The following RBM47 variants were observed in gnomAD, a reference collection of about 807,000 sequenced individuals.
RBM47 encodes the protein RNA binding motif protein 47.
RBM47 carries 21 observed loss-of-function variants against 47.1 expected under a neutral mutation model. That is an observed-to-expected ratio of 0.45 (90% CI 0.32 to 0.64). The LOEUF (loss-of-function observed/expected upper bound fraction) is 0.64. Ranked by LOEUF, RBM47 falls within the 30% of genes least tolerant of loss-of-function variation. The probability of loss-of-function intolerance (pLI) is 0.05; values close to 1 mark genes in which losing one functional copy is unlikely to be tolerated. For synonymous variants in RBM47, 375 were observed against 361.7 expected (o/e 1.04, Z -0.42); for missense variants, 708 against 870.9 (o/e 0.81, Z 2.35).
intron 2 of RBM47, among the ~76,000 whole-genome samples, chr4:40,490,291 G>GA (rs1721689129): frequency 6.6e-6 from 1 of 151,520 alleles, no homozygotes; most frequent in African/African-American, 2.4e-5. Context: ...AGAAAAAAAG[G>GA]AAAAAGAAAA....
At chr4:40,601,547 C>G (rs913475722) in intron 1 of RBM47, among the ~76,000 whole-genome samples, 1 of 152,166 alleles carries the variant, frequency 6.6e-6, no homozygotes, top group Non-Finnish European at 1.5e-5. Flanking sequence ...TTTTTGTTAG[C>G]TTGAGGTTAA....
At chr4:40,466,377 A>G (rs1315603622) in intron 3 of RBM47, among the ~76,000 whole-genome samples, 200 bp downstream of exon 3, 1 of 152,202 alleles carries the variant, frequency 6.6e-6, no homozygotes, top group Non-Finnish European at 1.5e-5. Context: ...TTAAGTCACA[A>G]AGATGTAAAG....
chr4:40,609,049 G>A (rs544511952), intron 1 of RBM47, among the ~76,000 whole-genome samples: 11 of 151,958 alleles, frequency 7.2e-5, no homozygotes, highest in African/African-American at 2.7e-4. Flanking sequence ...GCTGGAGTGC[G>A]GTGGCATGAT....
intron 1 of RBM47, among the ~76,000 whole-genome samples, chr4:40,552,444 A>G (rs1388265597): frequency 2.0e-5 from 3 of 152,094 alleles, no homozygotes; most frequent in Non-Finnish European, 4.4e-5. Context: ...GGATATAAAT[A>G]AAAATGGGCT....
chr4:40,601,906 C>T (rs1414354877), intron 1 of RBM47, among the ~76,000 whole-genome samples: 6 of 152,176 alleles, frequency 3.9e-5, no homozygotes, highest in African/African-American at 1.2e-4. Context: ...TGGTGGCTCA[C>T]GCCTGTAACC....
intron 2 of RBM47, among the ~76,000 whole-genome samples, chr4:40,541,531 G>A (rs1268507108): frequency 2.0e-5 from 3 of 152,164 alleles, no homozygotes; most frequent in Admixed American, 1.3e-4. Flanking sequence ...GAGGTCAGGA[G>A]TTCGAGACCA....
At chr4:40,609,635 G>A (rs894308031) in intron 1 of RBM47, among the ~76,000 whole-genome samples, 3 of 151,612 alleles carry the variant, frequency 2.0e-5, no homozygotes, top group Admixed American at 2.0e-4. Flanking sequence ...TTCTTTTTTA[G>A]CTTCCATTTT....
chr4:40,468,792 C>T (rs1158129707), intron 2 of RBM47, among the ~76,000 whole-genome samples: 4 of 152,116 alleles, frequency 2.6e-5, no homozygotes, highest in East Asian at 1.9e-4. Flanking sequence ...AAATGATTTA[C>T]GTTTTAATAC....
In RBM47 at chr4:40,503,620, G is replaced by C. The variant is rs1723694131; in HGVS notation, c.-154-36921C>G. 4.6e-5 allele frequency among the ~76,000 whole-genome samples: 7 copies of C among 152,214 alleles called. 1 individual carries two copies. In the South Asian group the frequency reaches 1.5e-3, roughly 32 times the overall value. The stretch of plus-strand genomic sequence containing the variant: ...TGTCTTGTAGATTTGCCAGCAGAAG[G>C]CTTTTAATTATTTCAGTTATTTTTA... On this transcript the variant is annotated intron_variant, in intron 2 of 6. Coordinates refer to ENST00000295971, the MANE Select transcript of RBM47 (RefSeq NM_001098634.2).
At chr4:40,526,247 T>G (rs1034812434) in intron 2 of RBM47, among the ~76,000 whole-genome samples, 2 of 152,120 alleles carry the variant, frequency 1.3e-5, no homozygotes, top group Non-Finnish European at 2.9e-5. Flanking sequence ...CCTGCCTACT[T>G]TGTAGTATTT....
intron 3 of RBM47, among the ~76,000 whole-genome samples, chr4:40,464,890 CAAAAAAAAAA>C (rs71646997): frequency 2.5e-4 from 8 of 32,082 alleles, no homozygotes; most frequent in African/African-American, 5.9e-4. Flanking sequence ...GACTCTGTCT[CAAAAAAAAAA>C]AAAAAAAAAA....
chr4:40,556,134 C>G (rs1730060153), intron 1 of RBM47, among the ~76,000 whole-genome samples: 1 of 151,050 alleles, frequency 6.6e-6, no homozygotes, highest in South Asian at 2.1e-4. Flanking sequence ...CTCCTGGGTT[C>G]AAGCAGTTCT....
intron 2 of RBM47, among the ~76,000 whole-genome samples, chr4:40,533,142 T>C (rs541298711): frequency 5.3e-5 from 8 of 152,294 alleles, no homozygotes; most frequent in East Asian, 1.9e-4. Flanking sequence ...ATACAGATTA[T>C]GCTCTCTGAG....
At chr4:40,445,060 G>A (rs1714307554) in intron 3 of RBM47, among the ~76,000 whole-genome samples, 1 of 151,946 alleles carries the variant, frequency 6.6e-6, no homozygotes, top group African/African-American at 2.4e-5. Context: ...GGATCACAAG[G>A]TCAGGAGATT....
At chr4:40,572,620 C>T (rs1221777366) in intron 1 of RBM47, among the ~76,000 whole-genome samples, 3 of 151,748 alleles carry the variant, frequency 2.0e-5, no homozygotes, top group African/African-American at 4.8e-5. Context: ...GAAAGTGGGC[C>T]GGCTGTGGTG....
At chr4:40,511,549 AATGTGATGC>A (rs765278160) in intron 2 of RBM47, among the ~76,000 whole-genome samples, 33 of 152,240 alleles carry the variant, frequency 2.2e-4, no homozygotes, top group Non-Finnish European at 4.7e-4. Context: ...TTCAGGACTT[AATGTGATGC>A]ATGACTAGAT....
At chr4:40,517,766 T>C (rs1045147621) in intron 2 of RBM47, among the ~76,000 whole-genome samples, 3 of 152,344 alleles carry the variant, frequency 2.0e-5, no homozygotes, top group African/African-American at 7.2e-5. Context: ...ACTAAACACA[T>C]AGACTTCTTT....
At chr4:40,551,246 C>T (rs554772180) in intron 1 of RBM47, among the ~76,000 whole-genome samples, 65 of 152,216 alleles carry the variant, frequency 4.3e-4, no homozygotes, top group African/African-American at 1.2e-3. Context: ...ACATATGGTT[C>T]GAGGCTGACA....
intron 1 of RBM47, among the ~76,000 whole-genome samples, chr4:40,550,115 T>C (rs1245778221): frequency 3.9e-5 from 6 of 152,194 alleles, no homozygotes; most frequent in Admixed American, 6.5e-5. Flanking sequence ...CCAACAGAGC[T>C]GTCTTGGAAC....
Sources: allele counts gnomAD v4.1 joint callset (sites outside exome capture counted in the v4.1 genomes callset), GRCh38; gene constraint gnomAD v4.1.1; transcripts MANE v1.5; gene names NCBI Gene and HGNC (gene_info 2026-07-23, HGNC 2026-07-21).